FMNL2: variants seen among roughly 807,000 people sequenced by gnomAD.
FMNL2 encodes the protein formin-like protein 2.
Under a neutral mutation model 130.2 loss-of-function variants are expected in FMNL2, and 51 were observed. That is an observed-to-expected ratio of 0.39 (90% CI 0.31 to 0.49). The LOEUF (loss-of-function observed/expected upper bound fraction) is 0.49, where lower values mean the gene tolerates loss of function less well. Among genes scored for constraint, FMNL2 ranks in the 20% least tolerant of loss-of-function variants. The pLI, the probability that FMNL2 is intolerant of heterozygous loss-of-function variation, is 0.85. For missense variants in FMNL2, 977 were observed against 1,316.2 expected, an observed-to-expected ratio of 0.74 and a Z score of 3.99; for synonymous variants, 465 against 467.1, an observed-to-expected ratio of 1.00 and a Z score of 0.06.
At chr2:152,590,425 C>T (rs1697363399) in intron 9 of FMNL2, among the ~76,000 whole-genome samples, 1 of 152,214 alleles carries the variant, frequency 6.6e-6, no homozygotes. Context: ...CGAGACCAGC[C>T]TGGCCAAGAT....
rs1161193921 is a variant in FMNL2 at position 152,590,434 on chromosome 2, A to G, written c.876+9385A>G. 7.2e-5 allele frequency among the ~76,000 whole-genome samples: 11 copies of G among 152,228 alleles called. No homozygotes were observed. The East Asian group carries it at 1.9e-3, about 27-fold the overall frequency. On this transcript the variant is annotated intron_variant, in intron 9 of 25. Coordinates refer to ENST00000288670, the MANE Select transcript of FMNL2 (RefSeq NM_052905.4). The stretch of plus-strand genomic sequence containing the variant: ...GTAGTTCGAGACCAGCCTGGCCAAG[A>G]TGGTGAAACCCTGTCTCTACTAAAA...
At chr2:152,485,521 G>C (rs988481846) in intron 1 of FMNL2, among the ~76,000 whole-genome samples, 2 of 152,144 alleles carry the variant, frequency 1.3e-5, no homozygotes, top group African/African-American at 4.8e-5. Context: ...CAGCCTGGGG[G>C]ACAGAGTAAG....
At chr2:152,536,632 G>A (rs1694008004) in intron 2 of FMNL2, among the ~76,000 whole-genome samples, 1 of 152,194 alleles carries the variant, frequency 6.6e-6, no homozygotes, top group East Asian at 1.9e-4. Context: ...CCCTGAGGAT[G>A]TTCAAGCAGT....
Position 152,335,290 on chromosome 2 carries a change from G to T in FMNL2, c.-314G>T. The stretch of plus-strand genomic sequence containing the variant: ...TAGGAGGGACCACGCGCCGGGGGCC[G>T]CGATCTCTGGCAGGGGGCGGTGTGC... On this transcript the variant is annotated 5_prime_UTR_variant, in exon 1 of 26. Coordinates refer to ENST00000288670, the MANE Select transcript of FMNL2 (RefSeq NM_052905.4). The T allele has an allele frequency of 5.9e-6, 1 of 170,098 alleles. No homozygotes were observed. The highest frequency in any genetic ancestry group is 1.2e-5 in the Non-Finnish European group (1 of 80,590). 10.5% of individuals were successfully genotyped at this position (170,098 alleles called of 1,614,324 possible).
intron 1 of FMNL2, among the ~76,000 whole-genome samples, chr2:152,436,497 C>G (rs756589195): frequency 6.6e-6 from 1 of 152,158 alleles, no homozygotes; most frequent in Admixed American, 6.6e-5. Flanking sequence ...TAACACATCT[C>G]AAAATTTCAG....
At chr2:152,623,794 G>T (rs1056359330) in intron 15 of FMNL2, among the ~76,000 whole-genome samples, 2 of 151,970 alleles carry the variant, frequency 1.3e-5, no homozygotes, top group African/African-American at 4.8e-5. Flanking sequence ...ATATATAATA[G>T]ATAAATATAA....
intron 9 of FMNL2, among the ~76,000 whole-genome samples, chr2:152,590,619 A>G (rs1365456234): frequency 2.0e-5 from 3 of 152,158 alleles, no homozygotes; most frequent in Non-Finnish European, 2.9e-5. Context: ...GTCTTTAAAA[A>G]AAAAAAACCT....
intron 1 of FMNL2, among the ~76,000 whole-genome samples, chr2:152,508,644 T>C (rs1031658671): frequency 1.6e-4 from 25 of 152,210 alleles, no homozygotes; most frequent in African/African-American, 5.8e-4. Context: ...TATTTTGGCA[T>C]TCTTCCAAAT....
At chr2:152,521,884 C>G in intron 1 of FMNL2, 59 bp from the exon 2 acceptor site, 1 of 1,377,984 alleles carries the variant, frequency 7.3e-7, no homozygotes, top group Non-Finnish European at 1.0e-6. Context: ...TGCAAGTTAC[C>G]AATTTGGAAG....
chr2:152,413,570 CT>C, intron 1 of FMNL2, among the ~76,000 whole-genome samples: 1 of 152,132 alleles, frequency 6.6e-6, no homozygotes, highest in East Asian at 1.9e-4. Flanking sequence ...TAGTGGATCC[CT>C]TTCCATGATT....
At position 152,546,081 on chromosome 2, in the gene FMNL2, A is replaced by G. The variant is rs374432623; in HGVS notation, c.283-2940A>G. On this transcript the variant is annotated intron_variant, in intron 3 of 25. Coordinates refer to ENST00000288670, the MANE Select transcript of FMNL2 (RefSeq NM_052905.4). ...TTAGTCCTTCAGTGGACCCTCTTTT[A>G]TACTCTGCTATGTCCTCAGTGCTAC... is the stretch of plus-strand genomic sequence containing the variant. Among the ~76,000 whole-genome samples, 17 of 152,128 alleles carry G rather than the reference A, an allele frequency of 1.1e-4. No homozygotes were observed. In the South Asian group the frequency reaches 3.3e-3, roughly 30 times the overall value.
chr2:152,339,129 G>A (rs746451893), intron 1 of FMNL2, among the ~76,000 whole-genome samples: 37 of 152,326 alleles, frequency 2.4e-4, no homozygotes, highest in Non-Finnish European at 4.6e-4. Context: ...ACCACTGCCT[G>A]TGGGCCTCAT....
intron 1 of FMNL2, among the ~76,000 whole-genome samples, chr2:152,376,676 A>G (rs1463394037): frequency 3.3e-5 from 5 of 152,180 alleles, no homozygotes; most frequent in Non-Finnish European, 5.9e-5. Flanking sequence ...GGTGAGGATT[A>G]ATTAGTAAAT....
At chr2:152,469,342 C>T (rs762861742) in intron 1 of FMNL2, among the ~76,000 whole-genome samples, 4 of 152,238 alleles carry the variant, frequency 2.6e-5, no homozygotes, top group African/African-American at 4.8e-5. Flanking sequence ...TCTGCATTGC[C>T]TTGGGACACC....
At chr2:152,344,574 A>G (rs955646925) in intron 1 of FMNL2, among the ~76,000 whole-genome samples, 4 of 152,118 alleles carry the variant, frequency 2.6e-5, no homozygotes, top group Admixed American at 6.5e-5. Flanking sequence ...TTATTTAACT[A>G]TTTAAGAAAT....
At chr2:152,495,403 A>C (rs181133306) in intron 1 of FMNL2, among the ~76,000 whole-genome samples, 27 of 152,186 alleles carry the variant, frequency 1.8e-4, no homozygotes, top group African/African-American at 6.5e-4. Flanking sequence ...TAATCCCAGC[A>C]CTTTGGGAGG....
intron 1 of FMNL2, among the ~76,000 whole-genome samples, chr2:152,501,178 A>G (rs1691811562): frequency 6.6e-6 from 1 of 152,226 alleles, no homozygotes; most frequent in Admixed American, 6.5e-5. Flanking sequence ...AGTAATTCCC[A>G]AATAGAGTCC....
intron 9 of FMNL2, among the ~76,000 whole-genome samples, chr2:152,589,874 G>T (rs1697289772): frequency 6.8e-6 from 1 of 146,046 alleles, no homozygotes; most frequent in Non-Finnish European, 1.5e-5. Context: ...GGCTCAAGTG[G>T]TCCTCCCACC....
At chr2:152,359,154 T>C (rs1411988150) in intron 1 of FMNL2, among the ~76,000 whole-genome samples, 1 of 152,222 alleles carries the variant, frequency 6.6e-6, no homozygotes, top group Non-Finnish European at 1.5e-5. Flanking sequence ...TTGCCATCCA[T>C]TTTAAACTTT....
Sources: allele counts gnomAD v4.1 joint callset (sites outside exome capture counted in the v4.1 genomes callset), GRCh38; gene constraint gnomAD v4.1.1; transcripts MANE v1.5; gene names NCBI Gene and HGNC (gene_info 2026-07-23, HGNC 2026-07-21).